Variants in LYPD6 observed in about 807,000 individuals in gnomAD.
LYPD6 encodes the protein ly6/PLAUR domain-containing protein 6.
In LYPD6, 15 loss-of-function variants were observed where a neutral mutation model predicts 22.7. The observed-to-expected ratio is 0.66, with a 90% CI of 0.44 to 1.02. LYPD6 has a LOEUF of 1.02. LYPD6 is among the 50% of genes least tolerant of loss of function. The probability of loss-of-function intolerance (pLI) is 0.00; values close to 1 mark genes in which losing one functional copy is unlikely to be tolerated. For missense variants in LYPD6, 189 were observed against 208.4 expected (o/e 0.91, Z 0.57); for synonymous variants, 72 against 77.5 (o/e 0.93, Z 0.37).
intron 1 of LYPD6, among the ~76,000 whole-genome samples, chr2:149,386,835 T>A (rs1224438333): frequency 6.6e-6 from 1 of 152,180 alleles, no homozygotes; most frequent in Non-Finnish European, 1.5e-5. Context: ...CTTCACTACC[T>A]CTTGAGTATA....
At chr2:149,356,373 G>A (rs115023813) in intron 1 of LYPD6, among the ~76,000 whole-genome samples, 2,178 of 152,194 alleles carry the variant, frequency 0.014, 41 homozygotes, top group African/African-American at 0.049. Context: ...CCTTTTCTAT[G>A]TATTAGTAAA....
At chr2:149,477,456 C>G (rs1301775550), downstream of LYPD6, among the ~76,000 whole-genome samples, 1 of 151,784 alleles carries the variant, frequency 6.6e-6, no homozygotes, top group Admixed American at 6.6e-5. Flanking sequence ...AACACTGTCT[C>G]TACTAAAAAA....
intron 3 of LYPD6, among the ~76,000 whole-genome samples, chr2:149,465,804 A>G (rs1477950495): frequency 6.6e-6 from 1 of 152,186 alleles, no homozygotes; most frequent in Non-Finnish European, 1.5e-5. Flanking sequence ...CCAATTGTTG[A>G]TGAAGTTCTC....
chr2:149,405,094 A>C (rs1306191765), intron 1 of LYPD6, among the ~76,000 whole-genome samples: 3 of 152,114 alleles, frequency 2.0e-5, no homozygotes. Context: ...CCACTTGATC[A>C]TGGTGGATAA....
At chr2:149,383,687 A>T (rs892164799) in intron 1 of LYPD6, among the ~76,000 whole-genome samples, 1 of 152,208 alleles carries the variant, frequency 6.6e-6, no homozygotes, top group African/African-American at 2.4e-5. Flanking sequence ...CAATGAAGTG[A>T]TCATACATTG....
chr2:149,340,082 C>G (rs959385954), intron 1 of LYPD6, among the ~76,000 whole-genome samples: 1 of 151,758 alleles, frequency 6.6e-6, no homozygotes, highest in African/African-American at 2.4e-5. Flanking sequence ...CTTGAACTAC[C>G]AAAAAAAGTA....
chr2:149,348,323 T>C (rs570973327), intron 1 of LYPD6, among the ~76,000 whole-genome samples: 1 of 151,766 alleles, frequency 6.6e-6, no homozygotes, highest in African/African-American at 2.4e-5. Context: ...AAATAAGAAA[T>C]GTGCAGTATG....
chr2:149,449,838 G>A (rs1269288947), intron 3 of LYPD6, among the ~76,000 whole-genome samples: 1 of 152,134 alleles, frequency 6.6e-6, no homozygotes, highest in African/African-American at 2.4e-5. Context: ...ATGAGCACAG[G>A]GAATTTTATT....
At chr2:149,368,239 G>A (rs1419322342) in intron 1 of LYPD6, 1 of 152,324 alleles carries the variant, frequency 6.6e-6, no homozygotes, top group Non-Finnish European at 1.5e-5. Flanking sequence ...AACCTTTGAA[G>A]AAATGAAGGC....
intron 1 of LYPD6, among the ~76,000 whole-genome samples, chr2:149,420,033 G>T (rs1683046082): frequency 6.6e-6 from 1 of 152,166 alleles, no homozygotes; most frequent in African/African-American, 2.4e-5. Flanking sequence ...CCTTTTGCCT[G>T]AATCCCAGGC....
intron 1 of LYPD6, among the ~76,000 whole-genome samples, chr2:149,423,282 A>G (rs759859022): frequency 1.3e-5 from 2 of 152,204 alleles, no homozygotes; most frequent in African/African-American, 2.4e-5. Context: ...GAAGCATTCA[A>G]TAAAGGAAGG....
intron 1 of LYPD6, among the ~76,000 whole-genome samples, chr2:149,343,291 G>T (rs1026532781): frequency 2.6e-5 from 4 of 151,946 alleles, no homozygotes; most frequent in African/African-American, 9.7e-5. Flanking sequence ...AGGAGCTAAA[G>T]AACTTTTAAT....
At chr2:149,442,644 T>TA (rs58308962) in intron 2 of LYPD6, among the ~76,000 whole-genome samples, 1,973 of 140,922 alleles carry the variant, frequency 0.014, 18 homozygotes, top group African/African-American at 0.034. Context: ...TTCCGTCCTT[T>TA]AAAAAAAAAA....
intron 1 of LYPD6, among the ~76,000 whole-genome samples, chr2:149,374,536 T>G (rs765838908): frequency 5.3e-5 from 8 of 152,194 alleles, no homozygotes; most frequent in Non-Finnish European, 1.2e-4. Context: ...TTGTGTTGAA[T>G]AAAGTTACAC....
At chr2:149,452,868 G>T (rs1458716496) in intron 3 of LYPD6, among the ~76,000 whole-genome samples, 1 of 152,186 alleles carries the variant, frequency 6.6e-6, no homozygotes, top group African/African-American at 2.4e-5. Context: ...TTTGGCAGTG[G>T]CGGCATCAGC....
At chr2:149,355,973 C>T (rs1414822879) in intron 1 of LYPD6, among the ~76,000 whole-genome samples, 1 of 151,938 alleles carries the variant, frequency 6.6e-6, no homozygotes, top group African/African-American at 2.4e-5. Context: ...CTGTGCCACC[C>T]CTCTGTTATG....
chr2:149,437,420 T>A (rs1683457903), intron 1 of LYPD6, among the ~76,000 whole-genome samples: 1 of 152,176 alleles, frequency 6.6e-6, no homozygotes, highest in Admixed American at 6.5e-5. Flanking sequence ...TGAGAGGGGA[T>A]GGCTACCAGT....
chr2:149,353,876 A>C (rs1247694213), intron 1 of LYPD6, among the ~76,000 whole-genome samples: 2 of 152,152 alleles, frequency 1.3e-5, no homozygotes, highest in Non-Finnish European at 2.9e-5. Context: ...GATGGTGGAA[A>C]CAGTGGGCCT....
chr2:149,421,245 C>T (rs1683071681), intron 1 of LYPD6, among the ~76,000 whole-genome samples: 1 of 151,980 alleles, frequency 6.6e-6, no homozygotes, highest in Admixed American at 6.6e-5. Flanking sequence ...AAAACATTAG[C>T]CCGGCCTGGT....
Sources: gnomAD v4.1 joint callset for allele counts (sites outside exome capture counted in the v4.1 genomes callset) on GRCh38, gnomAD v4.1.1 for gene constraint, MANE v1.5 for transcripts, NCBI Gene and HGNC (gene_info 2026-07-23, HGNC 2026-07-21) for gene names.